Variants in FAM83E observed in about 807,000 individuals in gnomAD.
FAM83E encodes protein FAM83E.
Under a neutral mutation model 34.3 loss-of-function variants are expected in FAM83E, and 29 were observed. That is an observed-to-expected ratio of 0.85 (90% CI 0.63 to 1.15). The LOEUF is 1.15. Among genes scored for constraint, FAM83E ranks in the 50% most tolerant of loss-of-function variants. The probability of loss-of-function intolerance (pLI) is 0.00; values close to 1 mark genes in which losing one functional copy is unlikely to be tolerated. For synonymous variants in FAM83E, 312 were observed against 311.6 expected (o/e 1.00, Z -0.01); for missense variants, 697 against 685.0 (o/e 1.02, Z -0.20).
intron 5 of FAM83E, among the ~76,000 whole-genome samples, chr19:48,605,389 A>G (rs149934214): frequency 0.047 from 7,173 of 152,186 alleles, 553 homozygotes; most frequent in African/African-American, 0.16. Flanking sequence ...CCTGGGCAAC[A>G]TAGCAAGACC....
rs1432129564 is a variant in FAM83E at position 48,600,197 on chromosome 19, C to T, written c.*912G>A. 6.6e-6 allele frequency among the ~76,000 whole-genome samples: 1 copy of T among 152,210 alleles called. No individual in the cohort carries two copies. The highest frequency in any genetic ancestry group is 1.5e-5 in the Non-Finnish European group (1 of 68,038). Reference sequence around the variant, plus strand: ...CAGCTCTAGCAGCTCTAGCTCGGGGCCTCACCCGGGCCCCTCATCAGGAAG... The same window carrying T: ...CAGCTCTAGCAGCTCTAGCTCGGGGTCTCACCCGGGCCCCTCATCAGGAAG... On this transcript the variant is annotated 3_prime_UTR_variant, in exon 7 of 7. Transcript: ENST00000263266.
Position 48,613,233 on chromosome 19 carries a change from T to C in FAM83E, c.140A>G (p.Gln47Arg), listed in dbSNP as rs1251294464. The change falls in exon 3 of 7, where the codon CAG becomes CGG. Residue 47 changes from glutamine (Q) to arginine (R), a missense_variant. Transcript: ENST00000263266. ...CAGCTCCTCGCGCTGCACGCAGGTC[T>C]GGAACGCCTCCGCGCCCTTGCTCAA... Reference protein sequence around the residue: ...ALLSKGAEAFQTCVQREELWP... With the variant: ...ALLSKGAEAFRTCVQREELWP... 6.2e-7 allele frequency: 1 copy of C among 1,610,742 alleles called. No individual in the cohort carries two copies. The highest frequency in any genetic ancestry group is 8.5e-7 in the Non-Finnish European group (1 of 1,179,918).
In FAM83E at chr19:48,613,553, T is replaced by C; in HGVS notation, c.-181A>G. The C allele has an allele frequency of 7.1e-7, 1 of 1,415,508 alleles. No homozygotes were observed. Among genetic ancestry groups the C allele is most frequent in the Non-Finnish European group, 9.2e-7 (1 of 1,089,738 alleles). The allele number at this position is 1,415,508 out of a possible 1,614,324, so 87.7% of individuals were successfully genotyped here. A position where few individuals can be genotyped will look rare whatever the true frequency, so the allele number is the denominator to read the frequency against. ...CTCCCTGCAGCAGCCCCTGCCACAC[T>C]GTTCTGACAATCACGCTGCCCAAAT... On this transcript the variant is annotated 5_prime_UTR_variant, in exon 3 of 7. Coordinates refer to ENST00000263266, the MANE Select transcript of FAM83E (RefSeq NM_017708.4).
Position 48,613,915 on chromosome 19 carries a change from C to A in FAM83E, c.-543G>T. The A allele has an allele frequency of 1.0e-6, 1 of 985,436 alleles. No individual in the cohort carries two copies. Among genetic ancestry groups the A allele is most frequent in the Non-Finnish European group, 1.2e-6 (1 of 829,932 alleles). 61.0% of individuals were successfully genotyped at this position (985,436 alleles called of 1,614,324 possible). On this transcript the variant is annotated 5_prime_UTR_variant, in exon 3 of 7. Coordinates refer to ENST00000263266, the MANE Select transcript of FAM83E (RefSeq NM_017708.4). Reference sequence around the variant, plus strand: ...AGGCACGACAGGTTGCCTGCCTGCCCCCGGCCAAGAGCACGACGAACTGAC... The same window carrying A: ...AGGCACGACAGGTTGCCTGCCTGCCACCGGCCAAGAGCACGACGAACTGAC...
In FAM83E at chr19:48,602,700, AAAAAATATATATATATAT is replaced by A. The variant is rs1568417739; in HGVS notation, c.1176+776_1176+793del. The stretch of plus-strand genomic sequence containing the variant: ...AGACCCTATCTCAAAAAAAAAAAAA[AAAAAATATATATATATAT>A]ATATATATATATATATATATATATA... On this transcript the variant is annotated intron_variant, in intron 6 of 6. Transcript: ENST00000263266. Among the ~76,000 whole-genome samples the A allele has an allele frequency of 2.5e-4, 11 of 43,942 alleles. 1 individual carries two copies. The highest frequency in any genetic ancestry group is 6.5e-4 in the East Asian group (1 of 1,532). The allele number at this position is 43,942 out of a possible 152,430, so 28.8% of individuals were successfully genotyped here. A position where few individuals can be genotyped will look rare whatever the true frequency, so the allele number is the denominator to read the frequency against.
intron 3 of FAM83E, among the ~76,000 whole-genome samples, chr19:48,612,517 T>G (rs148539701): frequency 0.076 from 11,592 of 151,724 alleles, 625 homozygotes; most frequent in Non-Finnish European, 0.11. Context: ...CAATTCTGCT[T>G]CCTCAGCCTC....
At chr19:48,610,461 T>C (rs893729073) in intron 4 of FAM83E, among the ~76,000 whole-genome samples, 7 of 139,458 alleles carry the variant, frequency 5.0e-5, no homozygotes, top group African/African-American at 1.3e-4. Flanking sequence ...GCCACTGATA[T>C]CAACCCTCAG....
chr19:48,600,887 A>T lies in FAM83E; in HGVS notation c.*222T>A. On this transcript the variant is annotated 3_prime_UTR_variant, in exon 7 of 7. Transcript: ENST00000263266. ...AGGCTGGTCTCCAACTCCTGGCCTT[A>T]AGCAACCCTCCCACCTTAGCCTCCC... 2.0e-6 allele frequency: 2 copies of T among 982,276 alleles called. No individual in the cohort carries two copies. The highest frequency in any genetic ancestry group is 2.7e-6 in the Non-Finnish European group (2 of 731,416). The allele number at this position is 982,276 out of a possible 1,614,324, so 60.8% of individuals were successfully genotyped here. A position where few individuals can be genotyped will look rare whatever the true frequency, so the allele number is the denominator to read the frequency against.
chr19:48,607,426 A>T, intron 5 of FAM83E: 1 of 1,489,618 alleles, frequency 6.7e-7, no homozygotes. Flanking sequence ...TCCTTCCCCC[A>T]CTAAATGGCC....
intron 5 of FAM83E, chr19:48,606,968 GC>G: frequency 6.2e-7 from 1 of 1,600,766 alleles, no homozygotes; most frequent in African/African-American, 1.3e-5. Context: ...GGTCAACGCC[GC>G]CAGGCCGCCA....
In FAM83E at chr19:48,610,001, C is replaced by G; in HGVS notation, c.634-1G>C. On this transcript the variant is annotated splice_acceptor_variant, in intron 4 of 6. Transcript: ENST00000263266. LOFTEE classifies it high-confidence loss of function. ...CCCGCACGACACGGACATCCACGTT[C>G]TGTTGGTGTGGGGAGTGGAGGGTAC... 6.2e-7 allele frequency: 1 copy of G among 1,611,268 alleles called. No homozygotes were observed. The highest frequency in any genetic ancestry group is 8.5e-7 in the Non-Finnish European group (1 of 1,179,914).
intron 3 of FAM83E, 50 bp downstream of exon 3, chr19:48,612,858 G>A (rs1281862040): frequency 1.4e-6 from 2 of 1,475,202 alleles, no homozygotes; most frequent in South Asian, 2.7e-5. Context: ...AGAATGCCTG[G>A]GTCCCCGTCC....
In FAM83E at chr19:48,607,357, A is replaced by T. The variant is rs374961666; in HGVS notation, c.758+2519T>A. On this transcript the variant is annotated intron_variant, in intron 5 of 6. Transcript: ENST00000263266. Reference sequence around the variant, plus strand: ...GCTTCCTCCACGTTTGCTGTGACCAACAGGGAGGACAGGGCCTGGGACTGT... The same window carrying T: ...GCTTCCTCCACGTTTGCTGTGACCATCAGGGAGGACAGGGCCTGGGACTGT... 6.3e-6 allele frequency: 10 copies of T among 1,576,204 alleles called. 1 individual carries two copies. The highest frequency in any genetic ancestry group is 8.6e-6 in the Non-Finnish European group (10 of 1,158,780).
At chr19:48,610,517 G>A (rs768174322) in intron 4 of FAM83E, among the ~76,000 whole-genome samples, 163 bp downstream of exon 4, 2 of 151,888 alleles carry the variant, frequency 1.3e-5, no homozygotes, top group Non-Finnish European at 2.9e-5. Context: ...GATTCCTTGG[G>A]AATGCCCACC....
chr19:48,613,667 C>T lies in FAM83E; in HGVS notation c.-295G>A. ...GCCTGGCTGGCCTTCCGTGACCTTC[C>T]TGCCAGCCGTCTCTGCTGGTCAGGT... On this transcript the variant is annotated 5_prime_UTR_variant, in exon 3 of 7. Coordinates refer to ENST00000263266, the MANE Select transcript of FAM83E (RefSeq NM_017708.4). 1 of 1,275,832 alleles carries T rather than the reference C, an allele frequency of 7.8e-7. No homozygotes were observed. Among genetic ancestry groups the T allele is most frequent in the Non-Finnish European group, 9.9e-7 (1 of 1,007,008 alleles). 79.0% of individuals were successfully genotyped at this position (1,275,832 alleles called of 1,614,324 possible). A position where few individuals can be genotyped will look rare whatever the true frequency, so the allele number is the denominator to read the frequency against.
In FAM83E at chr19:48,613,432, T is replaced by C; in HGVS notation, c.-60A>G. On this transcript the variant is annotated 5_prime_UTR_variant, in exon 3 of 7. Transcript: ENST00000263266. ...GGCTGGGTCCCCGGGGGTCTGGCTG[T>C]CTCTGGGGACTGTGATCATCTGGGG... The C allele has an allele frequency of 2.1e-6, 3 of 1,456,474 alleles. No individual in the cohort carries two copies. The highest frequency in any genetic ancestry group is 2.7e-6 in the Non-Finnish European group (3 of 1,106,828). The allele number at this position is 1,456,474 out of a possible 1,614,324, so 90.2% of individuals were successfully genotyped here.
rs1974093386 is a variant in FAM83E at position 48,613,700 on chromosome 19, C to T, written c.-328G>A. On this transcript the variant is annotated 5_prime_UTR_variant, in exon 3 of 7. Coordinates refer to ENST00000263266, the MANE Select transcript of FAM83E (RefSeq NM_017708.4). ...CGTCTCTGCTGGTCAGGTTGACCTCCTGACACCATCCCCAACTGTGTGACC... is the reference window on the plus strand; with the variant it reads ...CGTCTCTGCTGGTCAGGTTGACCTCTTGACACCATCCCCAACTGTGTGACC... 2 of 1,213,834 alleles carry T rather than the reference C, an allele frequency of 1.6e-6. No individual in the cohort carries two copies. Among genetic ancestry groups the T allele is most frequent in the Non-Finnish European group, 2.1e-6 (2 of 969,148 alleles). The allele number at this position is 1,213,834 out of a possible 1,614,324, so 75.2% of individuals were successfully genotyped here.
chr19:48,601,512 C>T, intron 6 of FAM83E, 143 bp from the exon 7 acceptor site: 2 of 1,422,960 alleles, frequency 1.4e-6, no homozygotes, highest in Non-Finnish European at 1.8e-6. Flanking sequence ...CGCCTGTAAT[C>T]CCAGCACTTT....
chr19:48,614,376 G>T lies in FAM83E; in HGVS notation c.-1004C>A. 1 of 985,192 alleles carries T rather than the reference G, an allele frequency of 1.0e-6. No homozygotes were observed. Among genetic ancestry groups the T allele is most frequent in the Non-Finnish European group, 1.2e-6 (1 of 829,928 alleles). The allele number at this position is 985,192 out of a possible 1,614,324, so 61.0% of individuals were successfully genotyped here. On this transcript the variant is annotated 5_prime_UTR_variant, in exon 3 of 7. Transcript: ENST00000263266. ...TGTTCCAGGCCGTCCTCTGATCTGC[G>T]GGGAGCCCTACCCAAGCTGCCCCCA...
Sources: gnomAD v4.1 joint callset for allele counts (sites outside exome capture counted in the v4.1 genomes callset) on GRCh38, gnomAD v4.1.1 for gene constraint, MANE v1.5 for transcripts, NCBI Gene and HGNC (gene_info 2026-07-23, HGNC 2026-07-21) for gene names.